NCKAP5: variants seen among roughly 807,000 people sequenced by gnomAD.
NCKAP5 encodes NCK associated protein 5, also known as nck-associated protein 5.
A neutral mutation model predicts 167.0 loss-of-function variants in NCKAP5; 92 were observed. That is an observed-to-expected ratio of 0.55 (90% CI 0.47 to 0.66). NCKAP5 has a LOEUF of 0.66. Among genes scored for constraint, NCKAP5 ranks in the 30% least tolerant of loss-of-function variants. The probability of loss-of-function intolerance (pLI) is 0.00; values close to 1 mark genes in which losing one functional copy is unlikely to be tolerated. For missense variants in NCKAP5, 2,378 were observed against 2,315.0 expected (o/e 1.03, Z -0.56); for synonymous variants, 891 against 877.4 (o/e 1.02, Z -0.27).
intron 6 of NCKAP5, among the ~76,000 whole-genome samples, chr2:133,026,422 T>G (rs1309161406): frequency 6.6e-6 from 1 of 151,976 alleles, no homozygotes; most frequent in Non-Finnish European, 1.5e-5. Context: ...CATTGTGGAT[T>G]CACTCTCAGG....
chr2:133,661,041 G>A, the NCKAP5 span, among the ~76,000 whole-genome samples: 1 of 151,978 alleles, frequency 6.6e-6, no homozygotes, highest in African/African-American at 2.4e-5. Flanking sequence ...AGCCTCAGGG[G>A]ACATTTCTAA....
At chr2:133,102,529 C>T (rs141143907) in intron 6 of NCKAP5, among the ~76,000 whole-genome samples, 5 of 152,210 alleles carry the variant, frequency 3.3e-5, no homozygotes, top group East Asian at 3.9e-4. Context: ...AGAAAAAAAC[C>T]GTTTTGTTAA....
At chr2:133,488,772 C>T (rs571080870) in intron 3 of NCKAP5, among the ~76,000 whole-genome samples, 113 of 152,082 alleles carry the variant, frequency 7.4e-4, no homozygotes, top group African/African-American at 2.5e-3. Flanking sequence ...AAAAATTAGC[C>T]GGGCATGGTG....
intron 5 of NCKAP5, among the ~76,000 whole-genome samples, chr2:133,157,771 A>T (rs1049260772): frequency 2.6e-5 from 4 of 152,196 alleles, no homozygotes; most frequent in Non-Finnish European, 5.9e-5. Context: ...TTAATTATGG[A>T]GTGGTGGTAA....
the NCKAP5 span, among the ~76,000 whole-genome samples, chr2:133,587,848 C>T: frequency 6.6e-6 from 1 of 152,174 alleles, no homozygotes; most frequent in Non-Finnish European, 1.5e-5. Flanking sequence ...ATTCACAGGA[C>T]AGCACGCAAA....
chr2:133,270,386 A>C (rs753482219), intron 4 of NCKAP5, among the ~76,000 whole-genome samples: 14 of 152,246 alleles, frequency 9.2e-5, no homozygotes, highest in Non-Finnish European at 1.8e-4. Flanking sequence ...ATCTGAGAAG[A>C]AGCAGCTTCG....
At chr2:133,420,755 G>A (rs750410442) in intron 3 of NCKAP5, among the ~76,000 whole-genome samples, 52 of 152,236 alleles carry the variant, frequency 3.4e-4, no homozygotes, top group Non-Finnish European at 5.9e-4. Context: ...ACCGCCAGGA[G>A]GTTTTATTCT....
chr2:133,634,596 A>C, the NCKAP5 span, among the ~76,000 whole-genome samples: 2 of 152,168 alleles, frequency 1.3e-5, no homozygotes, highest in Non-Finnish European at 2.9e-5. Context: ...TCCAAGTAAT[A>C]ACACTTTTAC....
chr2:132,912,044 G>T (rs1433497522), intron 8 of NCKAP5, among the ~76,000 whole-genome samples: 1 of 152,174 alleles, frequency 6.6e-6, no homozygotes, highest in Non-Finnish European at 1.5e-5. Context: ...TGAAAGAGTG[G>T]TGTTAGAAAA....
At chr2:133,541,260 T>G (rs1686209489) in intron 2 of NCKAP5, among the ~76,000 whole-genome samples, 1 of 143,550 alleles carries the variant, frequency 7.0e-6, no homozygotes, top group Non-Finnish European at 1.6e-5. Context: ...TTGTTAAAAC[T>G]TTTAATTGAA....
chr2:133,200,057 C>CTTTCTT (rs1335622871), intron 5 of NCKAP5, among the ~76,000 whole-genome samples: 1 of 64,736 alleles, frequency 1.5e-5, no homozygotes, highest in African/African-American at 6.1e-5. Context: ...CTTTTTTTTT[C>CTTTCTT]TTTCTTTTTT....
chr2:132,816,156 G>C (rs111602100), intron 11 of NCKAP5, among the ~76,000 whole-genome samples: 21 of 152,212 alleles, frequency 1.4e-4, no homozygotes, highest in African/African-American at 2.2e-4. Flanking sequence ...TCTTGGATTC[G>C]TAAGGTTGTG....
At chr2:133,087,384 A>T (rs2081027811) in intron 6 of NCKAP5, among the ~76,000 whole-genome samples, 1 of 152,226 alleles carries the variant, frequency 6.6e-6, no homozygotes, top group African/African-American at 2.4e-5. Context: ...TCAGGATTAA[A>T]GGGAGAATTT....
chr2:133,071,588 T>A (rs2080405157), intron 6 of NCKAP5, among the ~76,000 whole-genome samples: 1 of 152,240 alleles, frequency 6.6e-6, no homozygotes, highest in Non-Finnish European at 1.5e-5. Flanking sequence ...AGAAAATTCA[T>A]GCAGCTGGGT....
chr2:133,155,796 A>G (rs1049183547), intron 5 of NCKAP5, among the ~76,000 whole-genome samples: 1 of 152,182 alleles, frequency 6.6e-6, no homozygotes, highest in Non-Finnish European at 1.5e-5. Context: ...TTTAAAATCA[A>G]ACTGAAACTC....
At chr2:133,281,277 G>A (rs1379048088) in intron 4 of NCKAP5, among the ~76,000 whole-genome samples, 2 of 152,146 alleles carry the variant, frequency 1.3e-5, no homozygotes, top group African/African-American at 4.8e-5. Flanking sequence ...ATAAAGACAA[G>A]TATAGTTGCT....
chr2:132,716,131 T>C (rs1317807778), intron 19 of NCKAP5, among the ~76,000 whole-genome samples: 1 of 152,166 alleles, frequency 6.6e-6, no homozygotes, highest in Non-Finnish European at 1.5e-5. Context: ...ACCTGGGGGA[T>C]GGAGAGGCAC....
At chr2:133,385,056 T>A (rs551165743) in intron 3 of NCKAP5, among the ~76,000 whole-genome samples, 1 of 152,204 alleles carries the variant, frequency 6.6e-6, no homozygotes, top group East Asian at 1.9e-4. Context: ...CCTGCCTGAT[T>A]GCCCTGGCCA....
At chr2:132,873,992 A>AT (rs888858576) in intron 9 of NCKAP5, among the ~76,000 whole-genome samples, 2 of 152,144 alleles carry the variant, frequency 1.3e-5, no homozygotes, top group African/African-American at 4.8e-5. Context: ...CTCCAGGGCG[A>AT]TAGAATCTGG....
Sources: gnomAD v4.1 joint callset for allele counts (sites outside exome capture counted in the v4.1 genomes callset) on GRCh38, gnomAD v4.1.1 for gene constraint, MANE v1.5 for transcripts, NCBI Gene and HGNC (gene_info 2026-07-23, HGNC 2026-07-21) for gene names.